The following CSF2RA variants were observed in gnomAD, a reference collection of about 807,000 sequenced individuals.
The protein encoded by CSF2RA is granulocyte-macrophage colony-stimulating factor receptor subunit alpha.
Under a neutral mutation model 51.6 loss-of-function variants are expected in CSF2RA, and 42 were observed. The ratio of observed to expected loss-of-function variants is 0.81; its 90% CI spans 0.64 to 1.05. CSF2RA has a LOEUF of 1.05. Among genes scored for constraint, CSF2RA ranks in the 50% least tolerant of loss-of-function variants. CSF2RA has a pLI of 0.00. For synonymous variants in CSF2RA, 222 were observed against 193.0 expected (o/e 1.15, Z -1.24); for missense variants, 530 against 501.1 (o/e 1.06, Z -0.55).
At chrX:1,274,991 T>C (rs1396316364) in intron 2 of CSF2RA, 173 bp downstream of exon 2, 3 of 381,704 alleles carry the variant, frequency 7.9e-6, no homozygotes, top group Non-Finnish European at 1.0e-5. Flanking sequence ...ATTTAACATG[T>C]CACGTTCCCT....
At chrX:1,308,146 G>C (rs1195916549) in intron 12 of CSF2RA, among the ~76,000 whole-genome samples, 1 of 152,112 alleles carries the variant, frequency 6.6e-6, no homozygotes, top group East Asian at 1.9e-4. Context: ...CTGGAAATCA[G>C]CTGATTGTGG....
chrX:1,277,521 G>A (rs1378575353), intron 2 of CSF2RA, among the ~76,000 whole-genome samples: 1 of 147,198 alleles, frequency 6.8e-6, no homozygotes, highest in African/African-American at 2.5e-5. Context: ...GCGTGAACCC[G>A]GGAGGCGATG....
chrX:1,277,920 T>A, intron 2 of CSF2RA, among the ~76,000 whole-genome samples: 1 of 138,856 alleles, frequency 7.2e-6, no homozygotes, highest in Middle Eastern at 4.3e-3. Flanking sequence ...GAGGTTGCAG[T>A]GAGCCGAGAT....
At chrX:1,321,281 A>G in the CSF2RA span, among the ~76,000 whole-genome samples, 4 of 151,962 alleles carry the variant, frequency 2.6e-5, no homozygotes, top group Admixed American at 6.6e-5. Context: ...CATCCTGGCT[A>G]ACACAATGAA....
intron 4 of CSF2RA, among the ~76,000 whole-genome samples, chrX:1,288,253 G>A (rs1165515329): frequency 4.0e-5 from 6 of 149,826 alleles, no homozygotes; most frequent in African/African-American, 1.2e-4. Flanking sequence ...AGGCCGAGGC[G>A]GGTGGATCAC....
chrX:1,282,465 G>C (rs1188544874), intron 2 of CSF2RA: 35 of 614,686 alleles, frequency 5.7e-5, no homozygotes, highest in African/African-American at 5.5e-4. Flanking sequence ...TGACCATCTT[G>C]AGATGCCAAA....
Position 1,285,904 on chromosome X carries a change from G to T in CSF2RA, c.203G>T (p.Arg68Ile). 6.2e-7 allele frequency: 1 copy of T among 1,613,858 alleles called. No homozygotes were observed. The highest frequency in any genetic ancestry group is 1.1e-5 in the South Asian group (1 of 91,080). The change falls in exon 4 of 13, where the codon AGA (arginine) becomes ATA (isoleucine). Residue 68 changes from arginine to isoleucine, a missense_variant. By Grantham distance (97) the Arg-to-Ile change is moderately conservative (BLOSUM62 -3). Coordinates refer to ENST00000381529, the MANE Select transcript of CSF2RA (RefSeq NM_172245.4). Reference protein sequence around the residue: ...SKCFLTDKKNRVVEPRLSNNE... With the variant: ...SKCFLTDKKNIVVEPRLSNNE... ...TGTTTCTTAACTGACAAGAAGAACA[G>T]AGTCGTGGAACCCAGGGTGAGACGA...
chrX:1,285,727 AAAAAG>A lies in CSF2RA; in HGVS notation c.77-50_77-46del, dbSNP rs747045935. ...AAAAAAAAAAAAAAAAAAAAAAAAA[AAAAAG>A]GAAAAGAAAAGAGGAAATTCTGAAC... On this transcript the variant is annotated intron_variant, in intron 3 of 12. Coordinates refer to ENST00000381529, the MANE Select transcript of CSF2RA (RefSeq NM_172245.4). The A allele has an allele frequency of 1.9e-3, 1,899 of 995,142 alleles. 38 individuals are homozygous for A. The highest frequency in any genetic ancestry group is 3.3e-3 in the Middle Eastern group (9 of 2,700). 61.6% of individuals were successfully genotyped at this position (995,142 alleles called of 1,614,324 possible). A position where few individuals can be genotyped will look rare whatever the true frequency, so the allele number is the denominator to read the frequency against.
chrX:1,276,286 A>C (rs1350723301), intron 2 of CSF2RA, among the ~76,000 whole-genome samples: 1 of 152,034 alleles, frequency 6.6e-6, no homozygotes, highest in Non-Finnish European at 1.5e-5. Context: ...TGCCTGCCTC[A>C]GCCTCCAGAA....
chrX:1,311,116 G>A (rs1243021679), downstream of CSF2RA, among the ~76,000 whole-genome samples: 2 of 151,860 alleles, frequency 1.3e-5, no homozygotes, highest in African/African-American at 4.8e-5. Flanking sequence ...GGGTGTGGTG[G>A]CGGCCACCTG....
At position 1,307,508 on chromosome X, in the gene CSF2RA, C is replaced by T. The variant is rs1489880529; in HGVS notation, c.1126-1894C>T. The stretch of plus-strand genomic sequence containing the variant: ...CAACTGATTAAATGAGGCCCACTCT[C>T]CCCGTTTAGACCTTTGACTGATTAG... On this transcript the variant is annotated intron_variant, in intron 12 of 12. Transcript: ENST00000381529. 2.7e-4 allele frequency among the ~76,000 whole-genome samples: 7 copies of T among 26,118 alleles called. 1 individual carries two copies. Among genetic ancestry groups the T allele is most frequent in the African/African-American group, 1.2e-3 (7 of 5,974 alleles). 17.1% of individuals were successfully genotyped at this position (26,118 alleles called of 152,430 possible). A position where few individuals can be genotyped will look rare whatever the true frequency, so the allele number is the denominator to read the frequency against.
At chrX:1,271,207 G>T (rs1288435208) in intron 1 of CSF2RA, among the ~76,000 whole-genome samples, 1 of 80,238 alleles carries the variant, frequency 1.2e-5, no homozygotes, top group Non-Finnish European at 2.8e-5. Flanking sequence ...GCCCAGGCTG[G>T]AGGGCAGTGG....
At chrX:1,281,563 CCTT>C (rs1178224974) in intron 2 of CSF2RA, among the ~76,000 whole-genome samples, 2 of 151,792 alleles carry the variant, frequency 1.3e-5, no homozygotes, top group East Asian at 1.9e-4. Context: ...TCCTCCTCCT[CCTT>C]CTTTTTCCTT....
At chrX:1,316,059 AATAG>A in the CSF2RA span, among the ~76,000 whole-genome samples, 196 of 149,138 alleles carry the variant, frequency 1.3e-3, 1 homozygote, top group African/African-American at 2.6e-3. Context: ...TAGATAGATC[AATAG>A]ATAGATAGAT....
intron 4 of CSF2RA, 62 bp downstream of exon 4, chrX:1,285,982 A>G (rs2148315136): frequency 6.2e-7 from 1 of 1,610,118 alleles, no homozygotes; most frequent in Non-Finnish European, 8.5e-7. Flanking sequence ...AGTTAAAAGC[A>G]ACAGGGCCGG....
chrX:1,304,174 C>T (rs1203882021), intron 11 of CSF2RA, among the ~76,000 whole-genome samples, 155 bp downstream of exon 11: 1 of 81,868 alleles, frequency 1.2e-5, no homozygotes, highest in Non-Finnish European at 2.3e-5. Context: ...TCTGGGAGGC[C>T]GAGGCGGGTG....
chrX:1,313,627 G>T (rs1200834889), downstream of CSF2RA, among the ~76,000 whole-genome samples: 4 of 146,918 alleles, frequency 2.7e-5, no homozygotes, highest in African/African-American at 7.5e-5. Flanking sequence ...CAGGAGAATC[G>T]CTTGAACCCA....
At chrX:1,311,430 T>G (rs28412310), downstream of CSF2RA, among the ~76,000 whole-genome samples, 14,146 of 133,280 alleles carry the variant, frequency 0.11, 853 homozygotes, top group South Asian at 0.23. Context: ...ATCAGCCAAA[T>G]AAACCTGTTT....
At chrX:1,305,327 A>G in intron 11 of CSF2RA, 119 bp from the exon 12 acceptor site, 1 of 1,125,614 alleles carries the variant, frequency 8.9e-7, no homozygotes, top group Non-Finnish European at 1.3e-6. Context: ...TTCTTAGTGA[A>G]GTTTTGCATA....
Sources: gnomAD v4.1 joint callset for allele counts (sites outside exome capture counted in the v4.1 genomes callset) on GRCh38, gnomAD v4.1.1 for gene constraint, MANE v1.5 for transcripts, NCBI Gene and HGNC (gene_info 2026-07-23, HGNC 2026-07-21) for gene names.